The following PRKN variants were observed in gnomAD, a reference collection of about 807,000 sequenced individuals.
PRKN encodes parkin RBR E3 ubiquitin protein ligase.
A neutral mutation model predicts 59.5 loss-of-function variants in PRKN; 56 were observed. That is an observed-to-expected ratio of 0.94 (90% CI 0.76 to 1.18). PRKN has a LOEUF of 1.18. PRKN is among the 50% of genes most tolerant of loss of function. The pLI, the probability that PRKN is intolerant of heterozygous loss-of-function variation, is 0.00. For missense variants in PRKN, 657 were observed against 596.4 expected (o/e 1.10, Z -1.06); for synonymous variants, 250 against 222.1 (o/e 1.13, Z -1.12).
intron 2 of PRKN, among the ~76,000 whole-genome samples, chr6:162,371,452 C>A (rs1785762374): frequency 6.6e-6 from 1 of 152,148 alleles, no homozygotes; most frequent in African/African-American, 2.4e-5. Flanking sequence ...GGGATGTGAA[C>A]ATCAGACTTT....
At chr6:161,984,444 G>A (rs531367248) in intron 5 of PRKN, among the ~76,000 whole-genome samples, 22 of 152,176 alleles carry the variant, frequency 1.4e-4, no homozygotes, top group African/African-American at 5.3e-4. Context: ...TTTTAGTAGA[G>A]ATGGGGTTTT....
At chr6:162,115,518 A>C (rs1019758816) in intron 4 of PRKN, among the ~76,000 whole-genome samples, 1 of 150,812 alleles carries the variant, frequency 6.6e-6, no homozygotes, top group African/African-American at 2.4e-5. Flanking sequence ...ATACATTAAA[A>C]TAAATAAATA....
intron 6 of PRKN, among the ~76,000 whole-genome samples, chr6:161,874,952 ACTTT>A: frequency 9.1e-6 from 1 of 109,460 alleles, no homozygotes; most frequent in Non-Finnish European, 1.6e-5. Flanking sequence ...TATTATAGGT[ACTTT>A]ATATATAATA....
chr6:161,759,717 A>G (rs957785542), intron 7 of PRKN, among the ~76,000 whole-genome samples: 11 of 152,084 alleles, frequency 7.2e-5, no homozygotes, highest in African/African-American at 2.7e-4. Flanking sequence ...CAGTTTTCCC[A>G]TTGTCTGGCT....
At chr6:161,846,503 G>A (rs748426661) in intron 6 of PRKN, among the ~76,000 whole-genome samples, 6 of 152,132 alleles carry the variant, frequency 3.9e-5, no homozygotes, top group Admixed American at 2.6e-4. Flanking sequence ...TTTCTTACCC[G>A]TTGCTGTTGG....
chr6:161,445,840 G>A lies in PRKN; in HGVS notation c.1084-58963C>T, dbSNP rs1789464592. Among the ~76,000 whole-genome samples, 1 of 144,932 alleles carries A rather than the reference G, an allele frequency of 6.9e-6. No homozygotes were observed. Among genetic ancestry groups the A allele is most frequent in the Non-Finnish European group, 1.5e-5 (1 of 65,984 alleles). ...CTTCCCTTCCCTTCCCTTCCCTATC[G>A]ACAGCCTTGCAGGGTGGTGGTTTCC... is the stretch of plus-strand genomic sequence containing the variant. On this transcript the variant is annotated intron_variant, in intron 9 of 11. Coordinates refer to ENST00000366898, the MANE Select transcript of PRKN (RefSeq NM_004562.3). This position sits in a 1 kb window ranked among gnomAD's most constrained non-coding sequence, Gnocchi z 7.7.
intron 1 of PRKN, among the ~76,000 whole-genome samples, chr6:162,695,985 G>A (rs115505799): frequency 0.017 from 2,598 of 152,092 alleles, 70 homozygotes; most frequent in African/African-American, 0.06. Context: ...CAATGGGAAC[G>A]CACACAATGT....
chr6:161,367,137 C>T (rs1373834937), intron 10 of PRKN, among the ~76,000 whole-genome samples: 2 of 151,580 alleles, frequency 1.3e-5, no homozygotes, highest in South Asian at 2.1e-4. Context: ...ACTACAGGCG[C>T]CCGCCACCAC....
chr6:161,920,177 A>G (rs1269653820), intron 6 of PRKN, among the ~76,000 whole-genome samples: 1 of 152,138 alleles, frequency 6.6e-6, no homozygotes, highest in African/African-American at 2.4e-5. Context: ...TAAGGTCAGG[A>G]GTTTGAGACT....
chr6:161,412,538 ACTCACTCATTCCTTC>A (rs1787628713), intron 9 of PRKN, among the ~76,000 whole-genome samples: 1 of 134,978 alleles, frequency 7.4e-6, no homozygotes, highest in Non-Finnish European at 1.6e-5. Flanking sequence ...TCGTTCCTCC[ACTCACTCATTCCTTC>A]CTCACTCATT....
At position 161,363,161 on chromosome 6, in the gene PRKN, G is replaced by C. The variant is rs1785043937; in HGVS notation, c.1168-2956C>G. Among the ~76,000 whole-genome samples, 2 of 152,190 alleles carry C rather than the reference G, an allele frequency of 1.3e-5. No homozygotes were observed. The highest frequency in any genetic ancestry group is 3.8e-4 in the East Asian group (2 of 5,196). On this transcript the variant is annotated intron_variant, in intron 10 of 11. Coordinates refer to ENST00000366898, the MANE Select transcript of PRKN (RefSeq NM_004562.3). The surrounding 1 kb of genome is among the most constrained non-coding windows in gnomAD (Gnocchi z 4.1). ...GGAGGCTGAGGCAGGAGAAGTACCT[G>C]AACCTGGGGGGCAGAGGTTGCAGTG...
chr6:162,178,338 C>A (rs1040428574), intron 4 of PRKN, among the ~76,000 whole-genome samples: 2 of 152,172 alleles, frequency 1.3e-5, no homozygotes, highest in African/African-American at 4.8e-5. Context: ...ATTCAATGAG[C>A]AAATTGTAAT....
chr6:161,538,342 G>GA lies in PRKN; in HGVS notation c.1083+10511dup, dbSNP rs1447319598. Among the ~76,000 whole-genome samples the GA allele has an allele frequency of 2.6e-5, 4 of 152,006 alleles. No individual in the cohort carries two copies. The highest frequency in any genetic ancestry group is 1.3e-4 in the Admixed American group (2 of 15,270). On this transcript the variant is annotated intron_variant, in intron 9 of 11. Coordinates refer to ENST00000366898, the MANE Select transcript of PRKN (RefSeq NM_004562.3). The surrounding 1 kb of genome is among the most constrained non-coding windows in gnomAD (Gnocchi z 4.2). The stretch of plus-strand genomic sequence containing the variant: ...GTTACTTGATATTTTTCTTCTCCTT[G>GA]AAAAAAATTCTTAAATAAATTGGAC...
In PRKN at chr6:161,548,908, C is replaced by T. The variant is rs753655327; in HGVS notation, c.1029G>A (p.Pro343=). Reference sequence around the variant, plus strand: ...AGGTGACTTTCCTCTGGTCAGGCTCCGGCAGCAGCCCCGCTCCACAGCCAG... The same window carrying T: ...AGGTGACTTTCCTCTGGTCAGGCTCTGGCAGCAGCCCCGCTCCACAGCCAG... The part of the protein sequence containing the change: ...PRPGCGAGLL[P]EPDQRKVTCE... The change falls in exon 9 of 12, where the codon CCG becomes CCA. Residue 343 remains proline, a synonymous_variant. Transcript: ENST00000366898. The surrounding 1 kb of genome is among the most constrained non-coding windows in gnomAD (Gnocchi z 4.2). 70 of 1,614,040 alleles carry T rather than the reference C, an allele frequency of 4.3e-5. No homozygotes were observed. Among genetic ancestry groups the T allele is most frequent in the Non-Finnish European group, 5.5e-5 (65 of 1,180,030 alleles).
intron 4 of PRKN, among the ~76,000 whole-genome samples, chr6:162,148,741 C>G (rs1412177963): frequency 1.3e-5 from 2 of 152,108 alleles, no homozygotes; most frequent in Non-Finnish European, 2.9e-5. Flanking sequence ...AGCCAAAGAG[C>G]TTTGGGCAGT....
intron 1 of PRKN, among the ~76,000 whole-genome samples, chr6:162,539,957 CT>C (rs1475757940): frequency 6.6e-6 from 1 of 152,218 alleles, no homozygotes; most frequent in Non-Finnish European, 1.5e-5. Flanking sequence ...GAGTCTCCCT[CT>C]GTCGCCCAGG....
chr6:161,523,973 A>C (rs1278269744), intron 9 of PRKN, among the ~76,000 whole-genome samples: 1 of 152,206 alleles, frequency 6.6e-6, no homozygotes, highest in Non-Finnish European at 1.5e-5. Flanking sequence ...GGGAAGTAAG[A>C]GGAAAAAAAT....
chr6:162,230,822 G>T (rs1383553109), intron 3 of PRKN, among the ~76,000 whole-genome samples: 5 of 152,156 alleles, frequency 3.3e-5, no homozygotes, highest in African/African-American at 1.2e-4. Context: ...AGGTATCCAT[G>T]GCTCTTTAAA....
intron 1 of PRKN, among the ~76,000 whole-genome samples, chr6:162,451,564 T>TA (rs959160716): frequency 5.3e-5 from 8 of 150,450 alleles, no homozygotes; most frequent in East Asian, 2.0e-4. Flanking sequence ...AGCTCTATTT[T>TA]AAAAAAAAGA....
Sources: allele counts gnomAD v4.1 joint callset (sites outside exome capture counted in the v4.1 genomes callset), GRCh38; gene constraint gnomAD v4.1.1; non-coding constraint Gnocchi (gnomAD v3.1); transcripts MANE v1.5; gene names NCBI Gene and HGNC (gene_info 2026-07-23, HGNC 2026-07-21).